Variants in RNF216 observed in about 807,000 individuals in gnomAD.
RNF216 encodes E3 ubiquitin-protein ligase RNF216.
In RNF216, 72 loss-of-function variants were observed where a neutral mutation model predicts 110.8. That is an observed-to-expected ratio of 0.65 (90% CI 0.54 to 0.79). The LOEUF (loss-of-function observed/expected upper bound fraction) is 0.79, where lower values mean the gene tolerates loss of function less well. Among genes scored for constraint, RNF216 ranks in the 30% least tolerant of loss-of-function variants. The pLI is 0.00. For synonymous variants in RNF216, 495 were observed against 407.5 expected (o/e 1.21, Z -2.59); for missense variants, 1,342 against 1,141.2 (o/e 1.18, Z -2.54).
rs544148480 is a variant in RNF216 at position 5,725,575 on chromosome 7, G to A, written c.1390-137C>T. ...GCTAACAATTGGTAGTGGCAGCTGG[G>A]TGCGGTGGCTGACGCCTGTAATCCC... On this transcript the variant is annotated intron_variant, in intron 7 of 16. Transcript: ENST00000389902. The A allele has an allele frequency of 1.4e-5, 9 of 629,644 alleles. No homozygotes were observed. In the East Asian group the frequency reaches 2.4e-4, roughly 17 times the overall value. The allele number at this position is 629,644 out of a possible 1,614,324, so 39.0% of individuals were successfully genotyped here. A position where few individuals can be genotyped will look rare whatever the true frequency, so the allele number is the denominator to read the frequency against.
rs897235782 is a variant in RNF216, at chr7:5,620,953, C to T, written c.*1907G>A. 2 of 152,250 alleles carry T rather than the reference C, an allele frequency of 1.3e-5. No individual in the cohort carries two copies. Among genetic ancestry groups the T allele is most frequent in the African/African-American group, 4.8e-5 (2 of 41,462 alleles). The allele number at this position is 152,250 out of a possible 1,614,324, so 9.4% of individuals were successfully genotyped here. On this transcript the variant is annotated 3_prime_UTR_variant, in exon 17 of 17. Coordinates refer to ENST00000389902, the MANE Select transcript of RNF216 (RefSeq NM_207111.4). ...GGGAGCATATTTAAGGTACCGAAGA[C>T]AATCCTGTTGCTGCCGCATGGAGCC...
At chr7:5,652,387 T>C (rs1186408451) in intron 14 of RNF216, 26 bp downstream of exon 14, 11 of 1,512,848 alleles carry the variant, frequency 7.3e-6, no homozygotes, top group Non-Finnish European at 1.0e-5. Flanking sequence ...AATCAGCCCA[T>C]AGCCCCTCTG....
intron 13 of RNF216, among the ~76,000 whole-genome samples, chr7:5,653,266 T>A (rs896514763): frequency 3.5e-4 from 53 of 152,076 alleles, no homozygotes; most frequent in African/African-American, 1.2e-3. Context: ...AATGCTTTCA[T>A]ATGTGCCAGA....
intron 7 of RNF216, 137 bp from the exon 8 acceptor site, chr7:5,725,575 G>C: frequency 1.6e-6 from 1 of 629,644 alleles, no homozygotes; most frequent in Non-Finnish European, 2.8e-6. Context: ...TGGCAGCTGG[G>C]TGCGGTGGCT....
At chr7:5,675,888 T>A (rs1352180672) in intron 13 of RNF216, among the ~76,000 whole-genome samples, 1 of 152,058 alleles carries the variant, frequency 6.6e-6, no homozygotes, top group Non-Finnish European at 1.5e-5. Context: ...TTTGTATTTT[T>A]AGTAGAGACG....
chr7:5,709,486 C>G (rs772273691), intron 13 of RNF216, among the ~76,000 whole-genome samples: 4 of 152,226 alleles, frequency 2.6e-5, no homozygotes, highest in Non-Finnish European at 4.4e-5. Context: ...GCTTTCTCTT[C>G]TGTCATCTTG....
intron 13 of RNF216, among the ~76,000 whole-genome samples, chr7:5,691,410 T>C (rs1791331653): frequency 1.3e-5 from 2 of 150,930 alleles, no homozygotes; most frequent in Non-Finnish European, 2.9e-5. Context: ...CCATTAATGA[T>C]ACAAGAGCAG....
chr7:5,655,910 G>C (rs1017923221), intron 13 of RNF216, among the ~76,000 whole-genome samples: 1 of 152,120 alleles, frequency 6.6e-6, no homozygotes, highest in Admixed American at 6.5e-5. Flanking sequence ...TGGCTGGAGT[G>C]CTGTAGTGTG....
chr7:5,652,304 G>T, intron 14 of RNF216, 109 bp downstream of exon 14: 1 of 759,258 alleles, frequency 1.3e-6, no homozygotes, highest in Non-Finnish European at 2.4e-6. Context: ...CTCCAGACTG[G>T]GGTGGCTCAA....
chr7:5,771,588 G>T (rs879519302), intron 1 of RNF216, among the ~76,000 whole-genome samples: 1 of 152,088 alleles, frequency 6.6e-6, no homozygotes, highest in Admixed American at 6.6e-5. Flanking sequence ...CTTGAGCTCA[G>T]GAGTCTGAGA....
chr7:5,675,016 A>AAT (rs930525573), intron 13 of RNF216, among the ~76,000 whole-genome samples: 35 of 151,882 alleles, frequency 2.3e-4, no homozygotes, highest in East Asian at 5.8e-4. Context: ...ACAAACAAAC[A>AAT]ATATATATAT....
At chr7:5,655,392 A>G (rs852521) in intron 13 of RNF216, among the ~76,000 whole-genome samples, 8,677 of 152,240 alleles carry the variant, frequency 0.057, 541 homozygotes, top group African/African-American at 0.15. Flanking sequence ...GAGGTCAGAC[A>G]TTAGAGACCA....
intron 13 of RNF216, among the ~76,000 whole-genome samples, chr7:5,669,161 T>G (rs569795158): frequency 1.5e-4 from 23 of 152,340 alleles, no homozygotes; most frequent in African/African-American, 5.5e-4. Flanking sequence ...CCTGCCAGCC[T>G]GAGAGGAATA....
intron 13 of RNF216, among the ~76,000 whole-genome samples, chr7:5,670,674 T>C (rs1380267401): frequency 1.3e-5 from 2 of 152,096 alleles, no homozygotes. Context: ...AAGGTGACCT[T>C]TGGAAGCAAA....
Position 5,702,537 on chromosome 7 carries a change from G to T in RNF216, c.2061+9224C>A, listed in dbSNP as rs553343323. The stretch of plus-strand genomic sequence containing the variant: ...CTTAATGGGAAGGCAGGGTGGGAAG[G>T]GAGGCAAGCAACATTTGCCTTTTAT... On this transcript the variant is annotated intron_variant, in intron 13 of 16. Transcript: ENST00000389902. 2.6e-5 allele frequency among the ~76,000 whole-genome samples: 4 copies of T among 152,256 alleles called. No individual in the cohort carries two copies. In the South Asian group the frequency reaches 8.3e-4, roughly 32 times the overall value.
At chr7:5,628,460 T>C (rs1747762838) in intron 15 of RNF216, among the ~76,000 whole-genome samples, 1 of 152,194 alleles carries the variant, frequency 6.6e-6, no homozygotes, top group African/African-American at 2.4e-5. Flanking sequence ...CTTAAAAGTT[T>C]TTTTTCTTTT....
intron 13 of RNF216, among the ~76,000 whole-genome samples, chr7:5,658,150 A>C (rs1788864980): frequency 6.6e-6 from 1 of 152,206 alleles, no homozygotes; most frequent in African/African-American, 2.4e-5. Flanking sequence ...TGACTACAGT[A>C]AGTGCCATGA....
intron 15 of RNF216, among the ~76,000 whole-genome samples, chr7:5,631,997 G>A (rs1787102173): frequency 6.6e-6 from 1 of 152,246 alleles, no homozygotes; most frequent in Non-Finnish European, 1.5e-5. Flanking sequence ...GATGCAGAGA[G>A]TGGCTGGACC....
At chr7:5,754,224 T>C (rs576857469) in intron 2 of RNF216, among the ~76,000 whole-genome samples, 92 of 151,700 alleles carry the variant, frequency 6.1e-4, no homozygotes, top group African/African-American at 2.2e-3. Context: ...GGTGCGATCA[T>C]AGCTCACTGC....
Sources: gnomAD v4.1 joint callset for allele counts (sites outside exome capture counted in the v4.1 genomes callset) on GRCh38, gnomAD v4.1.1 for gene constraint, MANE v1.5 for transcripts, NCBI Gene and HGNC (gene_info 2026-07-23, HGNC 2026-07-21) for gene names.